MAGI3: variants seen among roughly 807,000 people sequenced by gnomAD.
MAGI3 encodes membrane associated guanylate kinase, WW and PDZ domain containing 3, also known as membrane-associated guanylate kinase, WW and PDZ domain-containing protein 3.
MAGI3 carries 43 observed loss-of-function variants against 121.8 expected under a neutral mutation model. That is an observed-to-expected ratio of 0.35 (90% CI 0.28 to 0.46). The LOEUF (loss-of-function observed/expected upper bound fraction) is 0.46. MAGI3 is among the 20% of genes least tolerant of loss of function. The pLI is 1.00. For missense variants in MAGI3, 1,547 were observed against 1,797.3 expected (o/e 0.86, Z 2.52); for synonymous variants, 553 against 639.3 (o/e 0.86, Z 2.04).
At chr1:113,421,009 C>CT (rs111998040) in intron 1 of MAGI3, among the ~76,000 whole-genome samples, 114 of 147,122 alleles carry the variant, frequency 7.7e-4, no homozygotes, top group East Asian at 6.5e-3. Flanking sequence ...TAGATTAAAA[C>CT]TTTTTTTTTT....
At chr1:113,513,852 C>T (rs1194783351) in intron 1 of MAGI3, among the ~76,000 whole-genome samples, 4 of 151,968 alleles carry the variant, frequency 2.6e-5, no homozygotes, top group East Asian at 1.9e-4. Context: ...GCCTACAAAA[C>T]AGGAGAAAAT....
At chr1:113,512,725 G>A (rs1017059027) in intron 1 of MAGI3, among the ~76,000 whole-genome samples, 3 of 152,044 alleles carry the variant, frequency 2.0e-5, no homozygotes, top group Non-Finnish European at 2.9e-5. Flanking sequence ...CAAGACAGGG[G>A]TGCCCTCTCT....
At chr1:113,681,474 TA>T in intron 20 of MAGI3, 138 bp downstream of exon 20, 2 of 891,640 alleles carry the variant, frequency 2.2e-6, no homozygotes, top group Non-Finnish European at 3.2e-6. Flanking sequence ...AAAAGCTAGT[TA>T]CATAGCAGAG....
intron 16 of MAGI3, among the ~76,000 whole-genome samples, chr1:113,668,042 T>G (rs1647267896): frequency 6.6e-6 from 1 of 151,988 alleles, no homozygotes; most frequent in Non-Finnish European, 1.5e-5. Context: ...GAATTTCCAG[T>G]GGGTACAAGA....
At chr1:113,640,546 G>A (rs140866436) in intron 9 of MAGI3, among the ~76,000 whole-genome samples, 1,805 of 152,200 alleles carry the variant, frequency 0.012, 40 homozygotes, top group African/African-American at 0.041. Flanking sequence ...ATACTATGCA[G>A]CCATAAAAAG....
At chr1:113,641,079 ATGAG>A (rs1187860754) in intron 9 of MAGI3, among the ~76,000 whole-genome samples, 2 of 90,846 alleles carry the variant, frequency 2.2e-5, no homozygotes, top group Non-Finnish European at 4.6e-5. Context: ...TATAATATAT[ATGAG>A]ATATATATTA....
rs1375272742 is a variant in MAGI3 at position 113,683,501 on chromosome 1, T to C, written c.3933T>C (p.Gly1311=). The C allele has an allele frequency of 6.2e-7, 1 of 1,613,630 alleles. No homozygotes were observed. Among genetic ancestry groups the C allele is most frequent in the Non-Finnish European group, 8.5e-7 (1 of 1,179,852 alleles). The change falls in exon 21 of 21, where the codon GGT becomes GGC. Residue 1311 remains glycine, a synonymous_variant. Coordinates refer to ENST00000307546, the MANE Select transcript of MAGI3 (RefSeq NM_001142782.2). ...PSNAEAKLLE[G]KSRRIAGYTG... The stretch of plus-strand genomic sequence containing the variant: ...ATGCTGAGGCCAAATTATTAGAGGG[T>C]AAGAGTCGAAGAATAGCAGGCTATA...
At chr1:113,392,169 C>G (rs1650860844) in intron 1 of MAGI3, among the ~76,000 whole-genome samples, 2 of 152,216 alleles carry the variant, frequency 1.3e-5, no homozygotes, top group Non-Finnish European at 2.9e-5. Flanking sequence ...AGACAGCATA[C>G]AGTGAGATCT....
intron 9 of MAGI3, among the ~76,000 whole-genome samples, chr1:113,636,062 C>T (rs1413124777): frequency 3.3e-5 from 5 of 152,172 alleles, no homozygotes; most frequent in East Asian, 1.9e-4. Context: ...TCTGTGGGAT[C>T]GGTGGTGATA....
chr1:113,521,224 T>C (rs761977966), intron 1 of MAGI3, among the ~76,000 whole-genome samples: 2 of 151,364 alleles, frequency 1.3e-5, no homozygotes, highest in Non-Finnish European at 2.9e-5. Flanking sequence ...TAGCTGGGAT[T>C]ACAGGTGCCC....
At chr1:113,632,611 A>G (rs1056468365) in intron 9 of MAGI3, among the ~76,000 whole-genome samples, 2 of 152,240 alleles carry the variant, frequency 1.3e-5, no homozygotes, top group African/African-American at 4.8e-5. Context: ...TAGTCTTACT[A>G]ATGTCAAATC....
chr1:113,554,001 A>C (rs1659887435), intron 2 of MAGI3, among the ~76,000 whole-genome samples: 1 of 152,218 alleles, frequency 6.6e-6, no homozygotes, highest in Admixed American at 6.5e-5. Context: ...GAGCGAGACT[A>C]CGTCTCAAAC....
At chr1:113,428,294 C>T (rs1360859138) in intron 1 of MAGI3, among the ~76,000 whole-genome samples, 1 of 152,194 alleles carries the variant, frequency 6.6e-6, no homozygotes. Context: ...CACAGTCTAT[C>T]TGGAATTGGG....
At chr1:113,591,168 T>C (rs537008855) in intron 5 of MAGI3, among the ~76,000 whole-genome samples, 35 of 152,140 alleles carry the variant, frequency 2.3e-4, no homozygotes, top group African/African-American at 8.2e-4. Flanking sequence ...AAAAACATTA[T>C]TTTTATGGAA....
chr1:113,402,072 G>C (rs1651438040), intron 1 of MAGI3, among the ~76,000 whole-genome samples: 1 of 152,126 alleles, frequency 6.6e-6, no homozygotes, highest in Non-Finnish European at 1.5e-5. Flanking sequence ...GCATAAGCAT[G>C]GTAGAGCAGA....
intron 1 of MAGI3, among the ~76,000 whole-genome samples, chr1:113,528,946 T>C (rs1435412366): frequency 1.3e-5 from 2 of 152,232 alleles, no homozygotes; most frequent in Non-Finnish European, 2.9e-5. Flanking sequence ...CATGTGGTTA[T>C]GTTACTGATT....
intron 1 of MAGI3, among the ~76,000 whole-genome samples, chr1:113,446,784 A>G (rs1557761716): frequency 6.6e-6 from 1 of 152,234 alleles, no homozygotes; most frequent in Non-Finnish European, 1.5e-5. Flanking sequence ...GAGACAAAGA[A>G]GGACATTATA....
At chr1:113,453,518 TGC>T (rs1654587454) in intron 1 of MAGI3, among the ~76,000 whole-genome samples, 1 of 152,230 alleles carries the variant, frequency 6.6e-6, no homozygotes, top group Admixed American at 6.5e-5. Flanking sequence ...AATATTAAAT[TGC>T]ATAATCACAA....
intron 1 of MAGI3, among the ~76,000 whole-genome samples, chr1:113,417,476 A>T (rs1347914650): frequency 1.3e-5 from 2 of 152,090 alleles, no homozygotes; most frequent in Non-Finnish European, 2.9e-5. Context: ...TGCAGTGGTG[A>T]CATCACAGCT....
Sources: gnomAD v4.1 joint callset for allele counts (sites outside exome capture counted in the v4.1 genomes callset) on GRCh38, gnomAD v4.1.1 for gene constraint, MANE v1.5 for transcripts, NCBI Gene and HGNC (gene_info 2026-07-23, HGNC 2026-07-21) for gene names.